Variants in SLC8A1 observed in about 807,000 individuals in gnomAD.
SLC8A1 encodes solute carrier family 8 member A1, also known as sodium/calcium exchanger 1.
SLC8A1 carries 18 observed loss-of-function variants against 68.3 expected under a neutral mutation model. The observed-to-expected ratio is 0.26, with a 90% confidence interval of 0.18 to 0.39. The LOEUF (loss-of-function observed/expected upper bound fraction) is 0.39. Among genes scored for constraint, SLC8A1 ranks in the 10% least tolerant of loss-of-function variants. The probability of loss-of-function intolerance (pLI) is 1.00; values close to 1 mark genes in which losing one functional copy is unlikely to be tolerated. For synonymous variants in SLC8A1, 475 were observed against 415.5 expected (o/e 1.14, Z -1.74); for missense variants, 985 against 1,156.7 (o/e 0.85, Z 2.15).
chr2:40,150,267 G>C (rs2043178454), intron 6 of SLC8A1, among the ~76,000 whole-genome samples: 1 of 152,204 alleles, frequency 6.6e-6, no homozygotes, highest in African/African-American at 2.4e-5. Flanking sequence ...GAGTTGGAAA[G>C]ACAAGGTCTT....
At chr2:40,456,242 G>T (rs12470186), upstream of SLC8A1, among the ~76,000 whole-genome samples, 2 of 151,022 alleles carry the variant, frequency 1.3e-5, no homozygotes, top group South Asian at 2.1e-4. Context: ...CGTGAACCCA[G>T]GAGGCGGAGC....
At chr2:40,220,010 T>C (rs987323501) in intron 2 of SLC8A1, 3 of 152,054 alleles carry the variant, frequency 2.0e-5, no homozygotes, top group African/African-American at 4.8e-5. Context: ...TACATCTCTA[T>C]TTCTTATGTA....
chr2:40,303,117 C>A lies in SLC8A1; in HGVS notation c.1809-125262G>T, dbSNP rs149097611. ...TACTACACACTGCCAAAATCTGATT[C>A]ATTTTGGATAAGTGATGATTTCCAG... On this transcript the variant is annotated intron_variant, in intron 2 of 7. Transcript: ENST00000406785. Among the ~76,000 whole-genome samples, 18 of 152,262 alleles carry A rather than the reference C, an allele frequency of 1.2e-4. No individual in the cohort carries two copies. In the East Asian group the frequency reaches 3.5e-3, roughly 29 times the overall value.
intron 2 of SLC8A1, among the ~76,000 whole-genome samples, chr2:40,219,239 G>C (rs2057958959): frequency 6.6e-6 from 1 of 152,040 alleles, no homozygotes; most frequent in African/African-American, 2.4e-5. Flanking sequence ...CAAGGAAAAA[G>C]GAAAAGTGGA....
rs572837146 is a variant in SLC8A1, at chr2:40,327,709, T to C, written c.1808+100764A>G. ...ATATAACTAGGAGCTAAACATTGGG[T>C]ACACATGGACATAAAGATGAGAATA... On this transcript the variant is annotated intron_variant, in intron 2 of 7. Coordinates refer to ENST00000406785, the Ensembl canonical transcript of SLC8A1. Among the ~76,000 whole-genome samples the C allele has an allele frequency of 2.6e-5, 4 of 152,166 alleles. No homozygotes were observed. The South Asian group carries it at 6.2e-4, about 24-fold the overall frequency.
upstream of SLC8A1, among the ~76,000 whole-genome samples, chr2:40,455,650 T>C (rs1264219208): frequency 6.6e-6 from 1 of 152,240 alleles, no homozygotes; most frequent in Non-Finnish European, 1.5e-5. Flanking sequence ...TTCCCAGTTT[T>C]GTTCTTTAGG....
intron 2 of SLC8A1, among the ~76,000 whole-genome samples, chr2:40,198,070 G>C (rs1398545717): frequency 6.6e-6 from 1 of 151,934 alleles, no homozygotes; most frequent in East Asian, 1.9e-4. Flanking sequence ...ATAAGATTCA[G>C]GGCAGCTCCA....
At chr2:40,319,086 T>C (rs2074863952) in intron 2 of SLC8A1, among the ~76,000 whole-genome samples, 2 of 152,070 alleles carry the variant, frequency 1.3e-5, no homozygotes, top group African/African-American at 4.8e-5. Context: ...GTAGACACAA[T>C]GAGAAAGCCT....
intron 2 of SLC8A1, among the ~76,000 whole-genome samples, chr2:40,341,048 G>T (rs1419800654): frequency 1.3e-5 from 2 of 152,188 alleles, no homozygotes; most frequent in Non-Finnish European, 2.9e-5. Context: ...ATGCTTAAGA[G>T]TAGAAAGGAA....
intron 1 of SLC8A1, among the ~76,000 whole-genome samples, chr2:40,462,917 TA>T (rs1244315808): frequency 6.6e-6 from 1 of 152,140 alleles, no homozygotes; most frequent in Non-Finnish European, 1.5e-5. Flanking sequence ...TTATGATAGA[TA>T]AAAATTATTC....
intron 1 of SLC8A1, among the ~76,000 whole-genome samples, chr2:40,435,499 T>C (rs1306607673): frequency 6.6e-6 from 1 of 152,162 alleles, no homozygotes; most frequent in Non-Finnish European, 1.5e-5. Flanking sequence ...TGTTTAATAC[T>C]TTGGGACAGG....
intron 7 of SLC8A1, among the ~76,000 whole-genome samples, chr2:40,130,074 G>A (rs977340763): frequency 6.6e-6 from 1 of 152,170 alleles, no homozygotes; most frequent in African/African-American, 2.4e-5. Flanking sequence ...ACTGCCCTTT[G>A]AGAGAAATAA....
intron 2 of SLC8A1, among the ~76,000 whole-genome samples, chr2:40,340,053 CA>C (rs899586635): frequency 1.3e-5 from 2 of 151,976 alleles, no homozygotes; most frequent in African/African-American, 2.4e-5. Flanking sequence ...TGTTCATATG[CA>C]AAAAAACCAA....
At chr2:40,171,362 A>G (rs1018746215) in intron 4 of SLC8A1, among the ~76,000 whole-genome samples, 1 of 152,198 alleles carries the variant, frequency 6.6e-6, no homozygotes, top group African/African-American at 2.4e-5. Flanking sequence ...AAATAGGTAT[A>G]CTGACTGATT....
chr2:40,187,993 G>C (rs1249455493), intron 2 of SLC8A1, among the ~76,000 whole-genome samples: 1 of 152,140 alleles, frequency 6.6e-6, no homozygotes, highest in African/African-American at 2.4e-5. Context: ...TAAGGACCTG[G>C]GGTCTGTTAC....
At chr2:40,419,540 G>C (rs1035528588) in intron 2 of SLC8A1, among the ~76,000 whole-genome samples, 11 of 151,398 alleles carry the variant, frequency 7.3e-5, no homozygotes, top group African/African-American at 2.4e-4. Flanking sequence ...CTCCTTCTCT[G>C]CCTCCCTCCA....
chr2:40,280,464 G>C (rs966224342), intron 2 of SLC8A1, among the ~76,000 whole-genome samples: 2 of 152,056 alleles, frequency 1.3e-5, no homozygotes, highest in East Asian at 1.9e-4. Flanking sequence ...TAAAACACTG[G>C]TGGTCAAAAT....
chr2:40,318,497 G>A (rs199691901), intron 2 of SLC8A1, among the ~76,000 whole-genome samples: 1 of 151,002 alleles, frequency 6.6e-6, no homozygotes. Context: ...TTACAGAAAA[G>A]AAAAAAAAAC....
intron 1 of SLC8A1, among the ~76,000 whole-genome samples, chr2:40,494,730 C>G (rs1354451947): frequency 7.0e-6 from 1 of 142,872 alleles, no homozygotes; most frequent in Non-Finnish European, 1.5e-5. Context: ...TTCTTTTGCT[C>G]ATGCTCAGAA....
Sources: allele counts gnomAD v4.1 joint callset (sites outside exome capture counted in the v4.1 genomes callset), GRCh38; gene constraint gnomAD v4.1.1; transcripts MANE v1.5; gene names NCBI Gene and HGNC (gene_info 2026-07-23, HGNC 2026-07-21).